AFF1: variants seen among roughly 807,000 people sequenced by gnomAD.
AFF1 encodes ALF transcription elongation factor 1.
AFF1 carries 48 observed loss-of-function variants against 121.7 expected under a neutral mutation model. The ratio of observed to expected loss-of-function variants is 0.39; its 90% CI spans 0.31 to 0.50. The LOEUF (loss-of-function observed/expected upper bound fraction) is 0.50. AFF1 is among the 20% of genes least tolerant of loss of function. The probability of loss-of-function intolerance (pLI) is 0.76; values close to 1 mark genes in which losing one functional copy is unlikely to be tolerated. For synonymous variants in AFF1, 613 were observed against 563.0 expected (o/e 1.09, Z -1.26); for missense variants, 1,523 against 1,511.7 (o/e 1.01, Z -0.12).
chr4:86,944,580 G>A (rs3113495), intron 1 of AFF1, among the ~76,000 whole-genome samples: 70,740 of 151,912 alleles, frequency 0.47, 19,945 homozygotes, highest in Non-Finnish European at 0.62. Flanking sequence ...TCCTGACCTC[G>A]TGATTTGCCC....
intron 2 of AFF1, among the ~76,000 whole-genome samples, chr4:87,000,543 T>C (rs1725610516): frequency 6.6e-6 from 1 of 152,068 alleles, no homozygotes; most frequent in African/African-American, 2.4e-5. Flanking sequence ...GGTATAATCC[T>C]TTGCAACTTT....
intron 2 of AFF1, among the ~76,000 whole-genome samples, chr4:86,954,586 T>C (rs2149459476): frequency 6.6e-6 from 1 of 152,204 alleles, no homozygotes; most frequent in Middle Eastern, 3.4e-3. Flanking sequence ...ATTAGCCACC[T>C]GTAGTCCCAG....
intron 2 of AFF1, among the ~76,000 whole-genome samples, chr4:87,043,676 GCTT>G (rs769204472): frequency 3.3e-5 from 5 of 152,156 alleles, no homozygotes; most frequent in Admixed American, 1.3e-4. Flanking sequence ...TGGTTCAGCA[GCTT>G]CTTCTTTTCA....
rs370076619 is a variant in AFF1 at position 86,988,518 on chromosome 4, AC to A, written c.38+39949del. Among the ~76,000 whole-genome samples, 201 of 152,244 alleles carry A rather than the reference AC, an allele frequency of 1.3e-3. 6 individuals are homozygous for A. In the East Asian group the frequency reaches 0.031, roughly 23 times the overall value. The stretch of plus-strand genomic sequence containing the variant: ...AGGACCTCTTCAAGGAGAATTAAAA[AC>A]CACTGCTCAAGGAAATAAGAGAGGA... On this transcript the variant is annotated intron_variant, in intron 2 of 20. Transcript: ENST00000395146.
At chr4:87,040,990 C>G (rs958211658) in intron 2 of AFF1, among the ~76,000 whole-genome samples, 1 of 150,826 alleles carries the variant, frequency 6.6e-6, no homozygotes, top group African/African-American at 2.5e-5. Flanking sequence ...ATTCTCCTGC[C>G]TCAGCCTCCT....
intron 4 of AFF1, among the ~76,000 whole-genome samples, chr4:87,075,279 C>G (rs761719420): frequency 2.7e-4 from 41 of 151,712 alleles, no homozygotes; most frequent in Non-Finnish European, 5.0e-4. Context: ...AAGGTAATAT[C>G]ATTTGCTTAT....
At chr4:87,051,773 A>C (rs1731288434) in intron 4 of AFF1, among the ~76,000 whole-genome samples, 2 of 152,034 alleles carry the variant, frequency 1.3e-5, no homozygotes, top group Non-Finnish European at 2.9e-5. Context: ...CAGCCCAACA[A>C]ACTGATATTA....
chr4:87,084,577 TAAATAAATAAATAAATAAATAAATAAA>T (rs928342799), intron 5 of AFF1, among the ~76,000 whole-genome samples: 1 of 147,292 alleles, frequency 6.8e-6, no homozygotes, highest in African/African-American at 2.5e-5. Flanking sequence ...AATAAATAAA[TAAATAAATAAATAAATAAATAAATAAA>T]AAATAAAGAA....
chr4:87,052,777 T>C (rs1731405293), intron 4 of AFF1, among the ~76,000 whole-genome samples: 1 of 151,548 alleles, frequency 6.6e-6, no homozygotes, highest in South Asian at 2.1e-4. Flanking sequence ...GCCATGTACG[T>C]GGTATGAAGT....
intron 15 of AFF1, 29 bp downstream of exon 15, chr4:87,127,146 C>A: frequency 4.9e-6 from 7 of 1,442,146 alleles, no homozygotes; most frequent in Non-Finnish European, 6.8e-6. Context: ...TCTTCTTGCT[C>A]TGTTTTGTTT....
At chr4:87,042,974 C>G (rs1357530918) in intron 2 of AFF1, among the ~76,000 whole-genome samples, 1 of 152,172 alleles carries the variant, frequency 6.6e-6, no homozygotes, top group East Asian at 1.9e-4. Flanking sequence ...AGTAATGTAA[C>G]TTCGTTAAAG....
At chr4:87,072,051 A>AAT (rs1722115818) in intron 4 of AFF1, among the ~76,000 whole-genome samples, 1 of 152,140 alleles carries the variant, frequency 6.6e-6, no homozygotes, top group South Asian at 2.1e-4. Context: ...GAGAGAAAAT[A>AAT]ATATGAATGC....
chr4:86,942,891 T>A (rs1181682986), intron 1 of AFF1, among the ~76,000 whole-genome samples: 3 of 152,338 alleles, frequency 2.0e-5, no homozygotes, highest in South Asian at 2.1e-4. Flanking sequence ...GTAGCCACCC[T>A]CTTCTAGACT....
chr4:87,030,568 C>G (rs1234779264), intron 2 of AFF1, among the ~76,000 whole-genome samples: 1 of 152,162 alleles, frequency 6.6e-6, no homozygotes, highest in Non-Finnish European at 1.5e-5. Context: ...GTCTGAAACA[C>G]TGGTCTAAGC....
At chr4:87,001,961 A>G (rs1725759406) in intron 2 of AFF1, among the ~76,000 whole-genome samples, 1 of 152,164 alleles carries the variant, frequency 6.6e-6, no homozygotes, top group Admixed American at 6.5e-5. Flanking sequence ...TTCTTAGGGG[A>G]TTTGACCTAT....
At chr4:86,939,373 T>C (rs1297843744) in intron 1 of AFF1, among the ~76,000 whole-genome samples, 2 of 152,356 alleles carry the variant, frequency 1.3e-5, no homozygotes, top group South Asian at 2.1e-4. Flanking sequence ...TTTTCAAGAA[T>C]TACAGCTTGA....
intron 2 of AFF1, among the ~76,000 whole-genome samples, chr4:86,988,862 A>C (rs181287634): frequency 6.6e-6 from 1 of 152,274 alleles, no homozygotes; most frequent in Admixed American, 6.5e-5. Flanking sequence ...GGAACAGATC[A>C]GAGGCCTCAA....
rs763843578 is a variant in AFF1, at chr4:87,134,452, C to A, written c.3312-19C>A. The stretch of plus-strand genomic sequence containing the variant: ...CTGGTGACTGACTGATCAGTTATCT[C>A]TTCTCTTCCACCTCCCAGAAGCACA... On this transcript the variant is annotated intron_variant, in intron 19 of 20. Transcript: ENST00000395146. The A allele has an allele frequency of 1.3e-6, 2 of 1,568,624 alleles. No individual in the cohort carries two copies. Among genetic ancestry groups the A allele is most frequent in the South Asian group, 2.4e-5 (2 of 82,524 alleles).
intron 2 of AFF1, among the ~76,000 whole-genome samples, chr4:87,017,888 T>TG (rs1727507807): frequency 6.6e-6 from 1 of 152,000 alleles, no homozygotes; most frequent in Admixed American, 6.6e-5. Flanking sequence ...TTTAGGGGCA[T>TG]GTGTGACGTT....
Sources: gnomAD v4.1 joint callset for allele counts (sites outside exome capture counted in the v4.1 genomes callset) on GRCh38, gnomAD v4.1.1 for gene constraint, MANE v1.5 for transcripts, NCBI Gene and HGNC (gene_info 2026-07-23, HGNC 2026-07-21) for gene names.